The following CCSER1 variants were observed in gnomAD, a reference collection of about 807,000 sequenced individuals.
CCSER1 encodes coiled-coil serine rich protein 1.
A neutral mutation model predicts 82.0 loss-of-function variants in CCSER1; 41 were observed. That is an observed-to-expected ratio of 0.50 (90% CI 0.39 to 0.65). The LOEUF (loss-of-function observed/expected upper bound fraction) is 0.65. Ranked by LOEUF, CCSER1 falls within the 30% of genes least tolerant of loss-of-function variation. CCSER1 has a pLI of 0.00. For synonymous variants in CCSER1, 414 were observed against 383.9 expected (o/e 1.08, Z -0.92); for missense variants, 1,119 against 1,064.2 (o/e 1.05, Z -0.72).
At chr4:90,572,912 A>G (rs1780289307) in intron 5 of CCSER1, among the ~76,000 whole-genome samples, 1 of 152,202 alleles carries the variant, frequency 6.6e-6, no homozygotes, top group Non-Finnish European at 1.5e-5. Context: ...GTGATTGAGC[A>G]TTGATGTCTG....
chr4:91,451,159 T>TA (rs1290092531), intron 10 of CCSER1, among the ~76,000 whole-genome samples: 1 of 152,014 alleles, frequency 6.6e-6, no homozygotes, highest in Non-Finnish European at 1.5e-5. Flanking sequence ...GCTTACTTTA[T>TA]AAAATCAAAA....
chr4:91,522,389 G>GT (rs1374160301), intron 10 of CCSER1, among the ~76,000 whole-genome samples: 2 of 150,840 alleles, frequency 1.3e-5, no homozygotes, highest in African/African-American at 2.4e-5. Context: ...ATGAATGTTA[G>GT]TTTTTTCTAA....
chr4:90,950,334 T>C (rs1012523391), intron 9 of CCSER1, among the ~76,000 whole-genome samples: 1 of 152,090 alleles, frequency 6.6e-6, no homozygotes, highest in Non-Finnish European at 1.5e-5. Context: ...TTTTAATTTT[T>C]TTTCCCTGAG....
At chr4:90,262,911 G>T (rs550407470) in intron 1 of CCSER1, among the ~76,000 whole-genome samples, 1 of 152,096 alleles carries the variant, frequency 6.6e-6, no homozygotes, top group Admixed American at 6.5e-5. Flanking sequence ...TCCTCCTGTG[G>T]GGACATAATC....
chr4:90,565,516 C>T (rs1779259643), intron 5 of CCSER1, among the ~76,000 whole-genome samples: 1 of 152,146 alleles, frequency 6.6e-6, no homozygotes, highest in Non-Finnish European at 1.5e-5. Context: ...CCTTCTCTTG[C>T]TTACTTGATC....
intron 8 of CCSER1, among the ~76,000 whole-genome samples, chr4:90,871,782 C>A (rs1351598113): frequency 6.6e-6 from 1 of 151,684 alleles, no homozygotes. Flanking sequence ...CCAGTTATTT[C>A]TGCATTGGAG....
chr4:90,512,914 TTTATAA>T (rs1771749099), intron 5 of CCSER1, among the ~76,000 whole-genome samples: 1 of 152,226 alleles, frequency 6.6e-6, no homozygotes, highest in African/African-American at 2.4e-5. Context: ...AATTAAATCA[TTTATAA>T]TTATTGAATT....
At chr4:91,325,132 G>T in intron 10 of CCSER1, 1 of 455,792 alleles carries the variant, frequency 2.2e-6, no homozygotes, top group Non-Finnish European at 4.4e-6. Flanking sequence ...TAATTCCACA[G>T]GTGTCAAATG....
chr4:91,197,094 GA>G (rs1735499037), intron 10 of CCSER1, among the ~76,000 whole-genome samples: 2 of 152,148 alleles, frequency 1.3e-5, no homozygotes, highest in Non-Finnish European at 2.9e-5. Flanking sequence ...AGAAACACAT[GA>G]AAGAACTACA....
rs187503463 is a variant in CCSER1 at position 90,162,922 on chromosome 4, G to T, written c.-42+35091G>T. On this transcript the variant is annotated intron_variant, in intron 1 of 10. Transcript: ENST00000509176. ...TAGGTCACTAGACAACCACCTAATT[G>T]AATAGTATAAAACAATTTGTGTCTT... is the stretch of plus-strand genomic sequence containing the variant. 2.0e-3 allele frequency among the ~76,000 whole-genome samples: 307 copies of T among 152,188 alleles called. 1 individual carries two copies. Among genetic ancestry groups the T allele is most frequent in the African/African-American group, 7.1e-3 (297 of 41,542 alleles).
At chr4:90,739,016 C>T (rs1013221766) in intron 7 of CCSER1, among the ~76,000 whole-genome samples, 2 of 152,138 alleles carry the variant, frequency 1.3e-5, no homozygotes, top group Non-Finnish European at 2.9e-5. Flanking sequence ...TTTCCTTCCT[C>T]TCTTCTTCTA....
intron 10 of CCSER1, among the ~76,000 whole-genome samples, chr4:91,254,709 A>G (rs535741907): frequency 3.9e-5 from 6 of 152,254 alleles, no homozygotes; most frequent in Admixed American, 3.9e-4. Context: ...TGTCATGTGT[A>G]CCTTAACAGT....
At chr4:90,883,672 A>G (rs1721676763) in intron 8 of CCSER1, among the ~76,000 whole-genome samples, 1 of 150,964 alleles carries the variant, frequency 6.6e-6, no homozygotes, top group South Asian at 2.1e-4. Context: ...GTAGCTTAGG[A>G]AAAGGCAGGT....
chr4:90,225,231 A>ATTTT lies in CCSER1; in HGVS notation c.-41-82991_-41-82988dup, dbSNP rs57188209. Among the ~76,000 whole-genome samples the ATTTT allele has an allele frequency of 8.0e-3, 891 of 111,634 alleles. 4 individuals carry two copies. The highest frequency in any genetic ancestry group is 0.018 in the African/African-American group (532 of 29,048). 73.2% of individuals were successfully genotyped at this position (111,634 alleles called of 152,430 possible). A position where few individuals can be genotyped will look rare whatever the true frequency, so the allele number is the denominator to read the frequency against. ...CGGTGCACACCAGCATACCCGGCTA[A>ATTTT]TTTTTTTTTTTTTTTTTTTTTTTTT... On this transcript the variant is annotated intron_variant, in intron 1 of 10. Coordinates refer to ENST00000509176, the MANE Select transcript of CCSER1 (RefSeq NM_001145065.2).
At chr4:91,482,962 G>A (rs1227792197) in intron 10 of CCSER1, among the ~76,000 whole-genome samples, 1 of 152,030 alleles carries the variant, frequency 6.6e-6, no homozygotes, top group East Asian at 1.9e-4. Flanking sequence ...GGGGAGCGGG[G>A]AGGGATAGCA....
rs1432421115 is a variant in CCSER1, at chr4:91,575,680, T to G, written c.2218-22892T>G. ...AAAAGATGAAAAATAGCTAAAATAA[T>G]TTTGAGGAAGTAGAACCAAGCTGGA... is the stretch of plus-strand genomic sequence containing the variant. On this transcript the variant is annotated intron_variant, in intron 10 of 10. Transcript: ENST00000509176. Among the ~76,000 whole-genome samples, 4 of 151,876 alleles carry G rather than the reference T, an allele frequency of 2.6e-5. No individual in the cohort carries two copies. The East Asian group carries it at 7.7e-4, about 29-fold the overall frequency.
intron 10 of CCSER1, among the ~76,000 whole-genome samples, chr4:91,116,796 G>A (rs1726657505): frequency 6.6e-6 from 1 of 152,052 alleles, no homozygotes; most frequent in African/African-American, 2.4e-5. Flanking sequence ...ACTTCAACCT[G>A]CATGAAGAAT....
intron 9 of CCSER1, among the ~76,000 whole-genome samples, chr4:90,933,022 A>AAGAAAG (rs1730339013): frequency 2.1e-5 from 2 of 95,518 alleles, no homozygotes; most frequent in African/African-American, 1.1e-4. Context: ...GAAAGAAAGA[A>AAGAAAG]AGAAAGAAAG....
Position 91,238,930 on chromosome 4 carries a change from TCTC to T in CCSER1, c.2217+152939_2217+152941del, listed in dbSNP as rs558730548. Among the ~76,000 whole-genome samples, 19 of 152,084 alleles carry T rather than the reference TCTC, an allele frequency of 1.2e-4. No individual in the cohort carries two copies. The East Asian group carries it at 3.7e-3, about 30-fold the overall frequency. On this transcript the variant is annotated intron_variant, in intron 10 of 10. Transcript: ENST00000509176. ...CCTCTGCCTCCAGAGTTCAAGCAAT[TCTC>T]CTGCCTCAGCCTCCCAAGTAGCTGG...
Sources: allele counts gnomAD v4.1 joint callset (sites outside exome capture counted in the v4.1 genomes callset), GRCh38; gene constraint gnomAD v4.1.1; transcripts MANE v1.5; gene names NCBI Gene and HGNC (gene_info 2026-07-23, HGNC 2026-07-21).